DSCAML1: variants seen among roughly 807,000 people sequenced by gnomAD.
DSCAML1 encodes cell adhesion molecule DSCAML1.
DSCAML1 carries 38 observed loss-of-function variants against 200.5 expected under a neutral mutation model. The ratio of observed to expected loss-of-function variants is 0.19; its 90% CI spans 0.15 to 0.25. DSCAML1 has a LOEUF of 0.25. Ranked by LOEUF, DSCAML1 falls within the 10% of genes least tolerant of loss-of-function variation. The pLI is 1.00. For missense variants in DSCAML1, 2,223 were observed against 2,858.8 expected (o/e 0.78, Z 5.07); for synonymous variants, 1,215 against 1,165.0 (o/e 1.04, Z -0.87).
upstream of DSCAML1, among the ~76,000 whole-genome samples, chr11:117,798,785 G>A (rs1158225718): frequency 4.6e-5 from 7 of 152,038 alleles, no homozygotes; most frequent in African/African-American, 1.7e-4. Context: ...TGAGAAAATC[G>A]GGGCTTAACT....
At chr11:117,811,297 A>T (rs2055758804) in intron 1 of DSCAML1, among the ~76,000 whole-genome samples, 1 of 152,190 alleles carries the variant, frequency 6.6e-6, no homozygotes. Context: ...AGGCCATCTT[A>T]TTCTCAATAT....
intron 7 of DSCAML1, among the ~76,000 whole-genome samples, chr11:117,517,622 A>G (rs371230042): frequency 1.2e-4 from 18 of 152,318 alleles, no homozygotes; most frequent in African/African-American, 4.3e-4. Flanking sequence ...CAAATTCAAC[A>G]TGAAACTCCA....
chr11:117,566,769 C>T (rs1385903005), intron 3 of DSCAML1, among the ~76,000 whole-genome samples: 6 of 149,860 alleles, frequency 4.0e-5, no homozygotes, highest in Non-Finnish European at 8.9e-5. Context: ...TGATGTTCCC[C>T]TTCCTGTGTC....
rs1240740300 is a variant in DSCAML1, at chr11:117,518,850, A to G, written c.1214-88T>C. ...ACCCCACCTCAGCAGGGGAGGAGGCAAAAAGCAGCCATAAGAGCAAACAAG... is the reference window on the plus strand; with the variant it reads ...ACCCCACCTCAGCAGGGGAGGAGGCGAAAAGCAGCCATAAGAGCAAACAAG... On this transcript the variant is annotated intron_variant, in intron 6 of 32. Coordinates refer to ENST00000651296, the MANE Select transcript of DSCAML1 (RefSeq NM_020693.4). The surrounding 1 kb of genome is among the most constrained non-coding windows in gnomAD (Gnocchi z 6.3). The G allele has an allele frequency of 7.0e-7, 1 of 1,423,752 alleles. No individual in the cohort carries two copies. Among genetic ancestry groups the G allele is most frequent in the Non-Finnish European group, 9.3e-7 (1 of 1,074,544 alleles). The allele number at this position is 1,423,752 out of a possible 1,614,324, so 88.2% of individuals were successfully genotyped here.
At chr11:117,816,798 T>TGGGGGGGG (rs1024946477) in intron 1 of DSCAML1, among the ~76,000 whole-genome samples, 1 of 100,212 alleles carries the variant, frequency 1.0e-5, no homozygotes. Flanking sequence ...TCGGAATTGC[T>TGGGGGGGG]GGGGGGGTGG....
At chr11:117,759,979 AG>A (rs1182350180) in intron 3 of DSCAML1, among the ~76,000 whole-genome samples, 3 of 152,100 alleles carry the variant, frequency 2.0e-5, no homozygotes, top group African/African-American at 4.8e-5. Flanking sequence ...TAGGGCAAAG[AG>A]GGCACTGCTG....
rs114747883 is a variant in DSCAML1 at position 117,600,248 on chromosome 11, T to C, written c.512-67726A>G. ...GGACGGGCTGGGGCAGGGCTTCCTG[T>C]AGCACACAGGGAGGATCTTCATTGC... On this transcript the variant is annotated intron_variant, in intron 3 of 32. Coordinates refer to ENST00000651296, the MANE Select transcript of DSCAML1 (RefSeq NM_020693.4). Among the ~76,000 whole-genome samples, 1,242 of 152,328 alleles carry C rather than the reference T, an allele frequency of 8.2e-3. 19 individuals are homozygous for C. The highest frequency in any genetic ancestry group is 0.028 in the African/African-American group (1,177 of 41,572).
intron 3 of DSCAML1, among the ~76,000 whole-genome samples, chr11:117,652,454 C>T (rs962922059): frequency 6.6e-6 from 1 of 152,240 alleles, no homozygotes. Context: ...ACTTACCGTT[C>T]CCAGTCACCT....
In DSCAML1 at chr11:117,469,986, C is replaced by A. The variant is rs746805277; in HGVS notation, c.2954-6G>T. 6.3e-7 allele frequency: 1 copy of A among 1,599,946 alleles called. No individual in the cohort carries two copies. Among genetic ancestry groups the A allele is most frequent in the South Asian group, 1.1e-5 (1 of 88,548 alleles). On this transcript the variant is annotated splice_region_variant and splice_polypyrimidine_tract_variant and intron_variant, in intron 15 of 32. Transcript: ENST00000651296. This position sits in a 1 kb window ranked among gnomAD's most constrained non-coding sequence, Gnocchi z 4.1. The stretch of plus-strand genomic sequence containing the variant: ...CATGGGGGGCCCATCGGGAGCTGAG[C>A]AGGGTAGCGGGGAGGAGAAACATTA...
chr11:117,679,316 C>T (rs558097562), intron 3 of DSCAML1, among the ~76,000 whole-genome samples: 6 of 152,304 alleles, frequency 3.9e-5, no homozygotes, highest in African/African-American at 9.6e-5. Flanking sequence ...GTGCGGCGGT[C>T]GGAGCTGCGG....
chr11:117,665,840 A>T (rs554724857), intron 3 of DSCAML1, among the ~76,000 whole-genome samples: 1 of 152,264 alleles, frequency 6.6e-6, no homozygotes, highest in South Asian at 2.1e-4. Context: ...GTTGGCAAAG[A>T]GTCAAAAAAG....
intron 19 of DSCAML1, among the ~76,000 whole-genome samples, chr11:117,456,304 C>A (rs2048367121): frequency 6.6e-6 from 1 of 152,218 alleles, no homozygotes; most frequent in East Asian, 1.9e-4. Flanking sequence ...CTGGAGCTGT[C>A]CTACTCAGGA....
At chr11:117,637,287 A>C (rs1324502452) in intron 3 of DSCAML1, among the ~76,000 whole-genome samples, 2 of 152,012 alleles carry the variant, frequency 1.3e-5, no homozygotes, top group Non-Finnish European at 2.9e-5. Flanking sequence ...AACAGCAGAG[A>C]CCAGGCCCTG....
intron 3 of DSCAML1, among the ~76,000 whole-genome samples, chr11:117,692,561 TA>T (rs1255820330): frequency 6.6e-6 from 1 of 152,142 alleles, no homozygotes; most frequent in East Asian, 1.9e-4. Flanking sequence ...GGTCTGGTTT[TA>T]AAAATGTATG....
intron 16 of DSCAML1, among the ~76,000 whole-genome samples, chr11:117,468,013 C>T (rs1470059386): frequency 6.6e-6 from 1 of 152,146 alleles, no homozygotes; most frequent in Non-Finnish European, 1.5e-5. Context: ...CAGGCACACC[C>T]CAATCTATCC....
At chr11:117,547,989 C>T (rs2050406894) in intron 3 of DSCAML1, among the ~76,000 whole-genome samples, 2 of 152,306 alleles carry the variant, frequency 1.3e-5, no homozygotes, top group Middle Eastern at 3.4e-3. Context: ...GGAGAAGACC[C>T]CCACCACGGG....
chr11:117,664,473 G>A (rs1460327818), intron 3 of DSCAML1, among the ~76,000 whole-genome samples: 8 of 152,158 alleles, frequency 5.3e-5, no homozygotes, highest in Non-Finnish European at 1.0e-4. Context: ...ATCATCTCAA[G>A]GAGGCTCAGT....
chr11:117,796,135 T>C (rs1002350075), intron 1 of DSCAML1, among the ~76,000 whole-genome samples: 6 of 152,218 alleles, frequency 3.9e-5, no homozygotes, highest in Non-Finnish European at 8.8e-5. Context: ...CAGTCGGAAA[T>C]GTCTGCCCTC....
intron 1 of DSCAML1, among the ~76,000 whole-genome samples, chr11:117,809,895 CCACACACTCACA>C (rs1220338626): frequency 6.7e-6 from 1 of 149,212 alleles, no homozygotes; most frequent in African/African-American, 2.5e-5. Flanking sequence ...ACACACACAC[CCACACACTCACA>C]CACACATTCA....
Sources: gnomAD v4.1 joint callset for allele counts (sites outside exome capture counted in the v4.1 genomes callset) on GRCh38, gnomAD v4.1.1 for gene constraint, Gnocchi (gnomAD v3.1) non-coding constraint, MANE v1.5 for transcripts, NCBI Gene and HGNC (gene_info 2026-07-23, HGNC 2026-07-21) for gene names.